Variants in EDARADD observed in about 807,000 individuals in gnomAD.
EDARADD encodes the protein EDAR associated via death domain, also known as ectodysplasin-A receptor-associated adapter protein.
In EDARADD, 20 loss-of-function variants were observed where a neutral mutation model predicts 25.6. The ratio of observed to expected loss-of-function variants is 0.78; its 90% CI spans 0.55 to 1.14. The LOEUF (loss-of-function observed/expected upper bound fraction) is 1.14, where lower values mean the gene tolerates loss of function less well. Ranked by LOEUF, EDARADD falls within the 50% of genes most tolerant of loss-of-function variation. EDARADD has a pLI of 0.00. For missense variants in EDARADD, 225 were observed against 270.1 expected (o/e 0.83, Z 1.17); for synonymous variants, 86 against 94.4 (o/e 0.91, Z 0.52).
intron 3 of EDARADD, among the ~76,000 whole-genome samples, chr1:236,426,443 G>A (rs891541175): frequency 2.0e-5 from 3 of 152,304 alleles, no homozygotes; most frequent in South Asian, 2.1e-4. Flanking sequence ...ACAGAGCCAC[G>A]CAGGGGGACA....
chr1:236,443,767 A>T (rs774742676), intron 4 of EDARADD, among the ~76,000 whole-genome samples: 6 of 152,232 alleles, frequency 3.9e-5, no homozygotes, highest in Admixed American at 1.3e-4. Context: ...AGAATAGTAC[A>T]TAAACTTAGA....
intron 4 of EDARADD, 56 bp downstream of exon 4, chr1:236,427,506 T>G (rs1246398390): frequency 1.3e-6 from 2 of 1,504,364 alleles, no homozygotes; most frequent in East Asian, 2.3e-5. Flanking sequence ...CCACCTAAAA[T>G]TTTTTGAGAT....
At chr1:236,457,548 C>T (rs1250879313) in intron 4 of EDARADD, among the ~76,000 whole-genome samples, 1 of 151,614 alleles carries the variant, frequency 6.6e-6, no homozygotes, top group Non-Finnish European at 1.5e-5. Flanking sequence ...AGGCCAGGCG[C>T]AGTGGCTCAC....
At chr1:236,437,483 G>A (rs781733304) in intron 4 of EDARADD, among the ~76,000 whole-genome samples, 1 of 152,098 alleles carries the variant, frequency 6.6e-6, no homozygotes, top group Non-Finnish European at 1.5e-5. Flanking sequence ...ATGGTCTAGG[G>A]GTTAGATAGG....
intron 3 of EDARADD, among the ~76,000 whole-genome samples, chr1:236,384,238 A>G (rs903216775): frequency 1.3e-5 from 2 of 152,204 alleles, no homozygotes; most frequent in African/African-American, 4.8e-5. Context: ...AAATTCCTCT[A>G]CAGTGTAATC....
At chr1:236,431,361 C>T (rs918259454) in intron 4 of EDARADD, among the ~76,000 whole-genome samples, 1 of 151,862 alleles carries the variant, frequency 6.6e-6, no homozygotes, top group African/African-American at 2.4e-5. Context: ...GTGGGAGGAT[C>T]GCTTGAGAAC....
rs746877194 is a variant in EDARADD, at chr1:236,405,794, CT to C, written c.62-3417del. ...CTTTCTTTCTTTCTTTCTTTCTTTT[CT>C]TTTTCTTTCTTTCTTTCCTTCCTTC... On this transcript the variant is annotated intron_variant, in intron 1 of 5. Transcript: ENST00000334232. 2.6e-3 allele frequency among the ~76,000 whole-genome samples: 196 copies of C among 74,212 alleles called. 9 individuals are homozygous for C. Among genetic ancestry groups the C allele is most frequent in the Non-Finnish European group, 3.1e-3 (114 of 36,584 alleles). The allele number at this position is 74,212 out of a possible 152,430, so 48.7% of individuals were successfully genotyped here.
chr1:236,448,117 G>C lies in EDARADD; in HGVS notation c.220-20114G>C, dbSNP rs1358690971. ...CCCAAAGTGCTGGGATTACAGGCATGAGCCACCGCGCCTGGCCCACTCGGA... is the reference window on the plus strand; with the variant it reads ...CCCAAAGTGCTGGGATTACAGGCATCAGCCACCGCGCCTGGCCCACTCGGA... On this transcript the variant is annotated intron_variant, in intron 4 of 5. Transcript: ENST00000334232. Among the ~76,000 whole-genome samples, 5 of 152,218 alleles carry C rather than the reference G, an allele frequency of 3.3e-5. No individual in the cohort carries two copies. The East Asian group carries it at 7.7e-4, about 23-fold the overall frequency.
At position 236,483,973 on chromosome 1, in the gene EDARADD, A is replaced by G. The variant is rs1659758556; in HGVS notation, c.*1324A>G. On this transcript the variant is annotated 3_prime_UTR_variant, in exon 6 of 6. Transcript: ENST00000334232. ...AAGTTTCTCGACGACCCCACCAGGT[A>G]CATCTCACCTGACTGTCTGGCTGAC... is the stretch of plus-strand genomic sequence containing the variant. The G allele has an allele frequency of 9.5e-6, 13 of 1,366,408 alleles. No individual in the cohort carries two copies. The highest frequency in any genetic ancestry group is 1.3e-5 in the Non-Finnish European group (12 of 956,510). The allele number at this position is 1,366,408 out of a possible 1,614,324, so 84.6% of individuals were successfully genotyped here.
intron 3 of EDARADD, among the ~76,000 whole-genome samples, chr1:236,425,314 C>T (rs535233219): frequency 6.0e-4 from 92 of 152,302 alleles, no homozygotes; most frequent in African/African-American, 2.1e-3. Flanking sequence ...TGGCTGTGTA[C>T]CTCGATGCCC....
intron 2 of EDARADD, among the ~76,000 whole-genome samples, 154 bp downstream of exon 2, chr1:236,409,428 G>C (rs908336365): frequency 6.6e-6 from 1 of 152,058 alleles, no homozygotes; most frequent in African/African-American, 2.4e-5. Context: ...GGTATTCTAC[G>C]TGATAATAAT....
chr1:236,409,784 G>A (rs915215359), intron 2 of EDARADD, among the ~76,000 whole-genome samples: 1 of 150,258 alleles, frequency 6.7e-6, no homozygotes, highest in Non-Finnish European at 1.5e-5. Flanking sequence ...GGCTGGTCTT[G>A]AACTCCTAAC....
chr1:236,434,460 G>T (rs1658187684), intron 4 of EDARADD, among the ~76,000 whole-genome samples: 1 of 152,054 alleles, frequency 6.6e-6, no homozygotes. Flanking sequence ...GGCTGATCTT[G>T]AACTCCTGAC....
At chr1:236,371,567 A>G (rs201360586) in intron 3 of EDARADD, among the ~76,000 whole-genome samples, 1 of 151,222 alleles carries the variant, frequency 6.6e-6, no homozygotes, top group East Asian at 1.9e-4. Flanking sequence ...GGTTTTATTA[A>G]GATTTTTTTT....
intron 3 of EDARADD, among the ~76,000 whole-genome samples, chr1:236,369,404 A>G (rs963278952): frequency 6.6e-6 from 1 of 152,110 alleles, no homozygotes; most frequent in Non-Finnish European, 1.5e-5. Flanking sequence ...TTTTCCTTAT[A>G]CAGATTGCAG....
chr1:236,460,158 C>T (rs1658998822), intron 4 of EDARADD, among the ~76,000 whole-genome samples: 1 of 151,356 alleles, frequency 6.6e-6, no homozygotes, highest in Admixed American at 6.6e-5. Flanking sequence ...TATCCCAAAT[C>T]AAATAAATAC....
intron 2 of EDARADD, among the ~76,000 whole-genome samples, chr1:236,350,054 G>A (rs930154801): frequency 6.6e-6 from 1 of 152,212 alleles, no homozygotes; most frequent in African/African-American, 2.4e-5. Context: ...AGAGGTTGCA[G>A]TGAGCCGTGC....
intron 4 of EDARADD, among the ~76,000 whole-genome samples, chr1:236,467,981 A>G (rs1471423851): frequency 6.6e-6 from 1 of 152,142 alleles, no homozygotes; most frequent in Non-Finnish European, 1.5e-5. Flanking sequence ...TCTGCTGTGT[A>G]TCAAGCACTG....
chr1:236,478,898 T>C (rs1659586938), intron 5 of EDARADD, among the ~76,000 whole-genome samples: 1 of 152,160 alleles, frequency 6.6e-6, no homozygotes, highest in African/African-American at 2.4e-5. Context: ...ACTGTTATTC[T>C]AAGTGAAGTA....
Sources: allele counts gnomAD v4.1 joint callset (sites outside exome capture counted in the v4.1 genomes callset), GRCh38; gene constraint gnomAD v4.1.1; transcripts MANE v1.5; gene names NCBI Gene and HGNC (gene_info 2026-07-23, HGNC 2026-07-21).